The following KCNIP4 variants were observed in gnomAD, a reference collection of about 807,000 sequenced individuals.
KCNIP4 encodes potassium voltage-gated channel interacting protein 4.
In KCNIP4, 12 loss-of-function variants were observed where a neutral mutation model predicts 34.0. The observed-to-expected ratio is 0.35, with a 90% confidence interval of 0.23 to 0.57. The LOEUF is 0.57. Among genes scored for constraint, KCNIP4 ranks in the 20% least tolerant of loss-of-function variants. KCNIP4 has a pLI of 0.83. For missense variants in KCNIP4, 238 were observed against 311.7 expected (o/e 0.76, Z 1.78); for synonymous variants, 124 against 102.2 (o/e 1.21, Z -1.29).
At chr4:21,765,703 T>C (rs754386888) in intron 1 of KCNIP4, among the ~76,000 whole-genome samples, 13 of 151,476 alleles carry the variant, frequency 8.6e-5, no homozygotes, top group Non-Finnish European at 1.6e-4. Context: ...TGACCTCATG[T>C]GATCCTCCCA....
chr4:21,610,961 C>T (rs987847950), intron 1 of KCNIP4, among the ~76,000 whole-genome samples: 1 of 152,068 alleles, frequency 6.6e-6, no homozygotes, highest in Non-Finnish European at 1.5e-5. Context: ...AATGCTATCC[C>T]TCCCCTAGAC....
At chr4:20,797,049 C>A (rs971042325) in intron 3 of KCNIP4, among the ~76,000 whole-genome samples, 1 of 152,186 alleles carries the variant, frequency 6.6e-6, no homozygotes, top group Non-Finnish European at 1.5e-5. Context: ...CTTCACCAAC[C>A]TTTACAATGA....
intron 1 of KCNIP4, among the ~76,000 whole-genome samples, chr4:21,530,860 G>A (rs1204364847): frequency 6.6e-6 from 1 of 152,174 alleles, no homozygotes; most frequent in Non-Finnish European, 1.5e-5. Context: ...GTAAGTTGAG[G>A]ATGGCAGGAC....
intron 1 of KCNIP4, among the ~76,000 whole-genome samples, chr4:21,520,601 G>A (rs1735439043): frequency 6.6e-6 from 1 of 152,132 alleles, no homozygotes; most frequent in Non-Finnish European, 1.5e-5. Context: ...CTCAGAACTT[G>A]GCTTGATGTT....
At chr4:21,495,018 A>G (rs1732740217) in intron 1 of KCNIP4, among the ~76,000 whole-genome samples, 1 of 152,180 alleles carries the variant, frequency 6.6e-6, no homozygotes, top group Non-Finnish European at 1.5e-5. Flanking sequence ...CATTAACAAA[A>G]GACAGTACAG....
Position 20,740,174 on chromosome 4 carries a change from CAGG to C in KCNIP4, c.430-5442_430-5440del, listed in dbSNP as rs556473936. On this transcript the variant is annotated intron_variant, in intron 5 of 8. Transcript: ENST00000382152. ...GGAAAACACCCTTCAGGATATTATCCAGGAGAACTTGCGCAACCTAGCAAGTCA... is the reference window on the plus strand; with the variant it reads ...GGAAAACACCCTTCAGGATATTATCCAGAACTTGCGCAACCTAGCAAGTCA... Among the ~76,000 whole-genome samples the C allele has an allele frequency of 5.6e-4, 85 of 152,196 alleles. 1 individual carries two copies. Among genetic ancestry groups the C allele is most frequent in the South Asian group, 4.2e-3 (20 of 4,808 alleles).
intron 1 of KCNIP4, among the ~76,000 whole-genome samples, chr4:21,080,995 C>T (rs1355164256): frequency 6.6e-6 from 1 of 151,814 alleles, no homozygotes; most frequent in African/African-American, 2.4e-5. Flanking sequence ...TTCACTTTCA[C>T]TCTAGATGTT....
chr4:21,719,258 G>A (rs1404161259), intron 1 of KCNIP4, among the ~76,000 whole-genome samples: 2 of 152,078 alleles, frequency 1.3e-5, no homozygotes, highest in Non-Finnish European at 2.9e-5. Context: ...AGACACCCAG[G>A]AACTCTGAAA....
At chr4:21,015,631 TTAATA>T (rs1329692568) in intron 1 of KCNIP4, among the ~76,000 whole-genome samples, 54 of 123,814 alleles carry the variant, frequency 4.4e-4, no homozygotes, top group African/African-American at 1.3e-3. Context: ...GTATATTGTA[TTAATA>T]TAATATAATA....
In KCNIP4 at chr4:21,446,094, G is replaced by C. The variant is rs1243254513; in HGVS notation, c.61+502477C>G. On this transcript the variant is annotated intron_variant, in intron 1 of 8. Transcript: ENST00000382152. ...ATGAGATACCATCTCACACCGGTTAGAATGGCGATCATTAAAACGTCAGGA... is the reference window on the plus strand; with the variant it reads ...ATGAGATACCATCTCACACCGGTTACAATGGCGATCATTAAAACGTCAGGA... Among the ~76,000 whole-genome samples the C allele has an allele frequency of 4.6e-5, 7 of 152,020 alleles. 1 individual carries two copies. Among genetic ancestry groups the C allele is most frequent in the African/African-American group, 1.5e-4 (6 of 41,266 alleles).
At chr4:21,073,753 G>A (rs185169224) in intron 1 of KCNIP4, among the ~76,000 whole-genome samples, 13 of 152,242 alleles carry the variant, frequency 8.5e-5, no homozygotes, top group African/African-American at 3.1e-4. Flanking sequence ...TGTCCATTCA[G>A]TATGATATTG....
intron 1 of KCNIP4, among the ~76,000 whole-genome samples, chr4:21,218,243 G>A (rs931196561): frequency 6.6e-6 from 1 of 151,888 alleles, no homozygotes; most frequent in African/African-American, 2.4e-5. Context: ...TCGAACTCCT[G>A]ACCTCAGGTG....
chr4:21,522,797 A>G (rs1306035141), intron 1 of KCNIP4, among the ~76,000 whole-genome samples: 1 of 152,158 alleles, frequency 6.6e-6, no homozygotes, highest in Non-Finnish European at 1.5e-5. Flanking sequence ...TCATTAGATT[A>G]TTGAATGGAT....
intron 1 of KCNIP4, among the ~76,000 whole-genome samples, chr4:21,012,435 T>C (rs1327778842): frequency 6.6e-6 from 1 of 151,920 alleles, no homozygotes; most frequent in Non-Finnish European, 1.5e-5. Flanking sequence ...AATAAAAAAA[T>C]AAACTGGATG....
chr4:21,076,705 G>A (rs557418144), intron 1 of KCNIP4, among the ~76,000 whole-genome samples: 1 of 143,608 alleles, frequency 7.0e-6, no homozygotes, highest in South Asian at 2.1e-4. Flanking sequence ...GGGCAGCTAT[G>A]AGAAATGTCG....
At chr4:21,182,011 C>G (rs1754877640) in intron 1 of KCNIP4, among the ~76,000 whole-genome samples, 1 of 152,078 alleles carries the variant, frequency 6.6e-6, no homozygotes, top group Non-Finnish European at 1.5e-5. Flanking sequence ...TCTACTATAG[C>G]CCTTAGTCAG....
chr4:21,537,483 T>C (rs1297904168), intron 1 of KCNIP4, among the ~76,000 whole-genome samples: 4 of 152,146 alleles, frequency 2.6e-5, no homozygotes. Context: ...TCTGTGTGTA[T>C]AATGTAGCCC....
At chr4:21,069,463 G>A (rs1166337582) in intron 1 of KCNIP4, among the ~76,000 whole-genome samples, 1 of 152,172 alleles carries the variant, frequency 6.6e-6, no homozygotes, top group Non-Finnish European at 1.5e-5. Context: ...TAACTCAAGT[G>A]ACCTCAGTCT....
At chr4:20,974,331 CATT>C (rs1735272772) in intron 1 of KCNIP4, among the ~76,000 whole-genome samples, 1 of 152,052 alleles carries the variant, frequency 6.6e-6, no homozygotes, top group Non-Finnish European at 1.5e-5. Context: ...CATCAGGATT[CATT>C]ATTAAGTGTG....
Sources: gnomAD v4.1 joint callset for allele counts (sites outside exome capture counted in the v4.1 genomes callset) on GRCh38, gnomAD v4.1.1 for gene constraint, MANE v1.5 for transcripts, NCBI Gene and HGNC (gene_info 2026-07-23, HGNC 2026-07-21) for gene names.